Variants in TTC39A observed in about 807,000 individuals in gnomAD.
The protein encoded by TTC39A is tetratricopeptide repeat domain 39A, also known as tetratricopeptide repeat protein 39A.
In TTC39A, 46 loss-of-function variants were observed where a neutral mutation model predicts 82.3. The ratio of observed to expected loss-of-function variants is 0.56; its 90% CI spans 0.44 to 0.71. The LOEUF (loss-of-function observed/expected upper bound fraction) is 0.71. Ranked by LOEUF, TTC39A falls within the 30% of genes least tolerant of loss-of-function variation. TTC39A has a pLI of 0.00. For missense variants in TTC39A, 543 were observed against 712.9 expected, an observed-to-expected ratio of 0.76 and a Z score of 2.71; for synonymous variants, 254 against 275.2, an observed-to-expected ratio of 0.92 and a Z score of 0.76.
At chr1:51,302,240 G>GGCCCCCC in intron 11 of TTC39A, 117 bp downstream of exon 11, 1 of 623,716 alleles carries the variant, frequency 1.6e-6, no homozygotes, top group South Asian at 1.6e-5. Context: ...TTCTCTCTTG[G>GGCCCCCC]CCCCCCCCCC....
rs989295763 is a variant in TTC39A, at chr1:51,288,999, C to T, written c.1494-44G>A. ...GGCTCAGGTTCCTCCTCCTGAGCCT[C>T]TCCCAAACTGCATGTGAGGATTTCC... is the stretch of plus-strand genomic sequence containing the variant. On this transcript the variant is annotated intron_variant, in intron 16 of 17. Transcript: ENST00000680483. This position sits in a 1 kb window ranked among gnomAD's most constrained non-coding sequence, Gnocchi z 4.8. 2 of 1,520,184 alleles carry T rather than the reference C, an allele frequency of 1.3e-6. No homozygotes were observed. Among genetic ancestry groups the T allele is most frequent in the Admixed American group, 3.9e-5 (2 of 50,872 alleles). The allele number at this position is 1,520,184 out of a possible 1,614,324, so 94.2% of individuals were successfully genotyped here.
intron 7 of TTC39A, 46 bp from the exon 8 acceptor site, chr1:51,305,192 G>A: frequency 6.3e-7 from 1 of 1,588,822 alleles, no homozygotes; most frequent in Non-Finnish European, 8.6e-7. Context: ...CCCAGAGTGG[G>A]CAGGGGCCAC....
Position 51,312,194 on chromosome 1 carries a change from G to T in TTC39A, c.280C>A (p.His94Asn). Residue 94 changes from histidine to asparagine, a missense_variant and splice_region_variant, in exon 4 of 18, where the codon CAC becomes AAC. Coordinates refer to ENST00000680483, the MANE Select transcript of TTC39A (RefSeq NM_001297663.2). ...TCTGTTACAGAAGACTTCCTCCGGT[G>T]CCTGAAGAGGAAAAAGAGGGGCCTC... ...MKEAQMLCQR[H>N]RRKSSVTDSF... 3 of 1,605,054 alleles carry T rather than the reference G, an allele frequency of 1.9e-6. No homozygotes were observed. Among genetic ancestry groups the T allele is most frequent in the Non-Finnish European group, 1.7e-6 (2 of 1,175,866 alleles).
intron 6 of TTC39A, among the ~76,000 whole-genome samples, chr1:51,308,630 T>C (rs1372632678): frequency 3.9e-5 from 6 of 152,180 alleles, no homozygotes; most frequent in African/African-American, 1.2e-4. Context: ...GTGGGAACCA[T>C]AGATAAGGGA....
At chr1:51,311,091 C>T (rs72906156) in intron 5 of TTC39A, among the ~76,000 whole-genome samples, 163 bp downstream of exon 5, 2,085 of 152,310 alleles carry the variant, frequency 0.014, 39 homozygotes, top group African/African-American at 0.039. Context: ...CTTTGAGCCC[C>T]GCCAGGGGCA....
intron 6 of TTC39A, 97 bp downstream of exon 6, chr1:51,309,164 A>G: frequency 6.9e-7 from 1 of 1,453,034 alleles, no homozygotes; most frequent in South Asian, 1.4e-5. Context: ...GGCCTCGGTT[A>G]GTACTCTTCT....
intron 7 of TTC39A, 103 bp from the exon 8 acceptor site, chr1:51,305,249 G>T: frequency 8.7e-7 from 1 of 1,155,374 alleles, no homozygotes; most frequent in Non-Finnish European, 1.3e-6. Context: ...ACCTGGAGGG[G>T]AGAGGGCCAC....
In TTC39A at chr1:51,288,888, T is replaced by C; in HGVS notation, c.1561A>G (p.Met521Val). The C allele has an allele frequency of 1.2e-6, 2 of 1,612,608 alleles. No individual in the cohort carries two copies. The highest frequency in any genetic ancestry group is 1.7e-6 in the Non-Finnish European group (2 of 1,179,388). ...GCCTCTTCGTTTCTGTCTTGCTCCA[T>C]AAGCAGCAGGGCCAGCTCCAGCAGG... The part of the protein sequence containing the change: ...NALLELALLL[M>V]EQDRNEEAIK... Residue 521 changes from methionine (M) to valine (V), a missense_variant, in exon 17 of 18, where the codon ATG (methionine) becomes GTG (valine). Coordinates refer to ENST00000680483, the MANE Select transcript of TTC39A (RefSeq NM_001297663.2). This position sits in a 1 kb window ranked among gnomAD's most constrained non-coding sequence, Gnocchi z 4.8.
In TTC39A at chr1:51,294,516, G is replaced by A. The variant is rs374357663; in HGVS notation, c.1146-5C>T. ...AGCTTCAGGCCTGGCACAGCTCTGC[G>A]AAAGAGATGGGGAGGGTGGGAGAGG... On this transcript the variant is annotated splice_region_variant and splice_polypyrimidine_tract_variant and intron_variant, in intron 13 of 17. Transcript: ENST00000680483. The surrounding 1 kb of genome is among the most constrained non-coding windows in gnomAD (Gnocchi z 4.3). The A allele has an allele frequency of 1.0e-4, 165 of 1,613,742 alleles. 1 individual carries two copies. The highest frequency in any genetic ancestry group is 1.6e-4 in the South Asian group (15 of 91,068).
At chr1:51,291,707 T>G (rs913186003) in intron 14 of TTC39A, among the ~76,000 whole-genome samples, 1 of 146,612 alleles carries the variant, frequency 6.8e-6, no homozygotes. Context: ...TTGGGAGGCT[T>G]AGGTGGGAGG....
Position 51,288,402 on chromosome 1 carries a change from G to A in TTC39A, c.1611-122C>T. On this transcript the variant is annotated intron_variant, in intron 17 of 17. Coordinates refer to ENST00000680483, the MANE Select transcript of TTC39A (RefSeq NM_001297663.2). The surrounding 1 kb of genome is among the most constrained non-coding windows in gnomAD (Gnocchi z 4.8). The stretch of plus-strand genomic sequence containing the variant: ...GATTGTAGAGAAATTAATGTGTCCA[G>A]AGAGAGTTGAGCCCTACCCAATGGG... The A allele has an allele frequency of 1.3e-6, 2 of 1,486,664 alleles. No homozygotes were observed. The highest frequency in any genetic ancestry group is 1.8e-6 in the Non-Finnish European group (2 of 1,100,196). 92.1% of individuals were successfully genotyped at this position (1,486,664 alleles called of 1,614,324 possible).
intron 4 of TTC39A, 34 bp downstream of exon 4, chr1:51,312,085 T>G (rs1474085006): frequency 6.3e-7 from 1 of 1,598,566 alleles, no homozygotes; most frequent in South Asian, 1.1e-5. Flanking sequence ...CACCTGGGCT[T>G]AGCATGGTTG....
rs990134829 is a variant in TTC39A at position 51,287,378 on chromosome 1, G to A, written c.*779C>T. ...TGGTTTCAGTTTGGCATACAGCAAAGATACAGACTGGATTCTGAGAACCTC... is the reference window on the plus strand; with the variant it reads ...TGGTTTCAGTTTGGCATACAGCAAAAATACAGACTGGATTCTGAGAACCTC... On this transcript the variant is annotated 3_prime_UTR_variant, in exon 18 of 18. Coordinates refer to ENST00000680483, the MANE Select transcript of TTC39A (RefSeq NM_001297663.2). 2.6e-5 allele frequency: 4 copies of A among 152,180 alleles called. No homozygotes were observed. The highest frequency in any genetic ancestry group is 5.9e-5 in the Non-Finnish European group (4 of 68,034). 9.4% of individuals were successfully genotyped at this position (152,180 alleles called of 1,614,324 possible). A position where few individuals can be genotyped will look rare whatever the true frequency, so the allele number is the denominator to read the frequency against.
chr1:51,319,769 C>A (rs1212447364), intron 2 of TTC39A, among the ~76,000 whole-genome samples: 1 of 151,472 alleles, frequency 6.6e-6, no homozygotes, highest in African/African-American at 2.4e-5. Flanking sequence ...CTGCTCACTG[C>A]AACCTCCACC....
intron 6 of TTC39A, among the ~76,000 whole-genome samples, chr1:51,308,303 G>C (rs188591272): frequency 2.7e-5 from 4 of 149,916 alleles, no homozygotes; most frequent in Admixed American, 2.7e-4. Flanking sequence ...GCAGTGGCAC[G>C]ATATCAGCTC....
upstream of TTC39A, among the ~76,000 whole-genome samples, chr1:51,332,888 C>G (rs751010864): frequency 5.3e-5 from 8 of 151,948 alleles, no homozygotes; most frequent in Admixed American, 2.0e-4. Flanking sequence ...TTGTTTCATG[C>G]ACAAAATTAT....
At chr1:51,340,717 C>T (rs988920442) in intron 1 of TTC39A, among the ~76,000 whole-genome samples, 2 of 152,164 alleles carry the variant, frequency 1.3e-5, no homozygotes, top group African/African-American at 2.4e-5. Context: ...AGCAGCATGC[C>T]GTGCAGTGCT....
upstream of TTC39A, chr1:51,331,239 C>T: frequency 6.5e-7 from 1 of 1,549,614 alleles, no homozygotes; most frequent in Non-Finnish European, 8.7e-7. Flanking sequence ...GGCCCCCTCT[C>T]CCCTGCATTC....
chr1:51,321,385 A>G lies in TTC39A; in HGVS notation c.146+336T>C, dbSNP rs1259634363. Among the ~76,000 whole-genome samples the G allele has an allele frequency of 1.3e-5, 2 of 152,232 alleles. No individual in the cohort carries two copies. The highest frequency in any genetic ancestry group is 3.9e-4 in the East Asian group (2 of 5,190). On this transcript the variant is annotated intron_variant, in intron 2 of 17. Transcript: ENST00000680483. The surrounding 1 kb of genome is among the most constrained non-coding windows in gnomAD (Gnocchi z 4.6). ...CCCTAAAACACCCAGGAAAGCAGGC[A>G]ACCTAAGTCTTTAGTGCTTTGGGGA...
Sources: allele counts gnomAD v4.1 joint callset (sites outside exome capture counted in the v4.1 genomes callset), GRCh38; gene constraint gnomAD v4.1.1; non-coding constraint Gnocchi (gnomAD v3.1); transcripts MANE v1.5; gene names NCBI Gene and HGNC (gene_info 2026-07-23, HGNC 2026-07-21).